Variants in SCNN1B observed in about 807,000 individuals in gnomAD.
SCNN1B encodes sodium channel epithelial 1 subunit beta.
SCNN1B carries 46 observed loss-of-function variants against 65.3 expected under a neutral mutation model. The ratio of observed to expected loss-of-function variants is 0.70; its 90% confidence interval spans 0.56 to 0.90. The LOEUF is 0.90. Among genes scored for constraint, SCNN1B ranks in the 40% least tolerant of loss-of-function variants. The pLI, the probability that SCNN1B is intolerant of heterozygous loss-of-function variation, is 0.00. For synonymous variants in SCNN1B, 349 were observed against 330.6 expected, an observed-to-expected ratio of 1.06 and a Z score of -0.60; for missense variants, 751 against 830.5, an observed-to-expected ratio of 0.90 and a Z score of 1.18.
intron 5 of SCNN1B, among the ~76,000 whole-genome samples, chr16:23,370,674 C>G (rs1962763624): frequency 6.6e-6 from 1 of 152,204 alleles, no homozygotes; most frequent in Admixed American, 6.5e-5. Context: ...GACACCTCGT[C>G]TGAGCCATCA....
chr16:23,379,962 G>A, intron 11 of SCNN1B, 132 bp from the exon 12 acceptor site: 1 of 768,132 alleles, frequency 1.3e-6, no homozygotes, highest in Non-Finnish European at 2.4e-6. Flanking sequence ...ACGGGTGTGT[G>A]GGTACATGTG....
intron 4 of SCNN1B, among the ~76,000 whole-genome samples, chr16:23,365,603 A>AGAG (rs1567313722): frequency 4.3e-5 from 4 of 93,688 alleles, no homozygotes; most frequent in Admixed American, 9.8e-5. Flanking sequence ...GAAAGAAAGA[A>AGAG]AGAAAGAAAG....
chr16:23,315,993 T>C lies in SCNN1B; in HGVS notation c.-9+13556T>C, dbSNP rs1277936432. Among the ~76,000 whole-genome samples the C allele has an allele frequency of 4.1e-5, 6 of 148,002 alleles. No homozygotes were observed. The South Asian group carries it at 1.3e-3, about 32-fold the overall frequency. On this transcript the variant is annotated intron_variant, in intron 1 of 12. Coordinates refer to ENST00000343070, the MANE Select transcript of SCNN1B (RefSeq NM_000336.3). ...ATCACCATCCTCACCATCATCGCCA[T>C]CATCATCATCACCACCATCATCCCC...
At chr16:23,319,977 G>T (rs1326315110) in intron 1 of SCNN1B, among the ~76,000 whole-genome samples, 2 of 152,002 alleles carry the variant, frequency 1.3e-5, no homozygotes, top group African/African-American at 2.4e-5. Context: ...AAATTCCTGG[G>T]CTCAAGTGAT....
chr16:23,368,265 G>A (rs376821270), intron 5 of SCNN1B, among the ~76,000 whole-genome samples: 2 of 152,198 alleles, frequency 1.3e-5, no homozygotes, highest in African/African-American at 2.4e-5. Flanking sequence ...TCAGCCAGGC[G>A]TGGTGGCTCA....
At chr16:23,292,196 A>ATT (rs59582200) in intron 2 of SCNN1B, among the ~76,000 whole-genome samples, 11 of 133,296 alleles carry the variant, frequency 8.3e-5, no homozygotes, top group African/African-American at 2.1e-4. Context: ...TTCTTTCTTT[A>ATT]TTTTTTTTTT....
chr16:23,328,243 G>A (rs116299023), intron 1 of SCNN1B, among the ~76,000 whole-genome samples: 412 of 152,304 alleles, frequency 2.7e-3, no homozygotes, highest in African/African-American at 9.7e-3. Context: ...TATTTATGTT[G>A]AGGGGTATTA....
chr16:23,289,564 A>G (rs1315748129), intron 2 of SCNN1B, among the ~76,000 whole-genome samples: 1 of 151,952 alleles, frequency 6.6e-6, no homozygotes, highest in Non-Finnish European at 1.5e-5. Flanking sequence ...GAAAAAAAAA[A>G]AGAAATCCCT....
At chr16:23,300,335 T>G (rs989713061), upstream of SCNN1B, among the ~76,000 whole-genome samples, 1 of 151,522 alleles carries the variant, frequency 6.6e-6, no homozygotes, top group African/African-American at 2.4e-5. Context: ...GAACTTAAAG[T>G]ATAATAATAA....
intron 5 of SCNN1B, among the ~76,000 whole-genome samples, chr16:23,370,930 G>C (rs1373379843): frequency 6.6e-6 from 1 of 152,248 alleles, no homozygotes; most frequent in Non-Finnish European, 1.5e-5. Context: ...AGGCATAGCA[G>C]GAGGAAGGCG....
intron 1 of SCNN1B, among the ~76,000 whole-genome samples, chr16:23,307,401 C>A (rs1189768726): frequency 1.3e-5 from 2 of 148,284 alleles, no homozygotes; most frequent in Admixed American, 6.8e-5. Flanking sequence ...CTCACTGCAA[C>A]CTCCACTTCC....
chr16:23,371,382 G>A lies in SCNN1B; in HGVS notation c.964G>A (p.Glu322Lys), dbSNP rs199921576. The A allele has an allele frequency of 4.3e-6, 7 of 1,614,118 alleles. No individual in the cohort carries two copies. In the South Asian group the frequency reaches 4.4e-5, roughly 10 times the overall value. The change falls in exon 6 of 13, where the codon GAG becomes AAG. Residue 322 changes from glutamate to lysine, a missense_variant. Glu to Lys is a moderately conservative substitution (Grantham distance 56, BLOSUM62 1). Transcript: ENST00000343070. ...GGCCGGGGTCAGGCTGATGCTTCAC[G>A]AGCAGAGGTCATACCCCTTCATCAG... is the stretch of plus-strand genomic sequence containing the variant. ...STAGVRLMLH[E>K]QRSYPFIRDE...
chr16:23,376,645 C>T (rs534837976), intron 8 of SCNN1B, among the ~76,000 whole-genome samples: 7 of 151,120 alleles, frequency 4.6e-5, no homozygotes, highest in South Asian at 4.2e-4. Context: ...TGCAGTGGCT[C>T]GTGCCTGTAA....
At chr16:23,321,961 G>A (rs1393541719) in intron 1 of SCNN1B, among the ~76,000 whole-genome samples, 3 of 152,110 alleles carry the variant, frequency 2.0e-5, no homozygotes, top group African/African-American at 4.8e-5. Context: ...GGAGGCAAAC[G>A]TTGCAGTGAG....
intron 1 of SCNN1B, among the ~76,000 whole-genome samples, chr16:23,330,285 T>C (rs1961785114): frequency 6.6e-6 from 1 of 152,090 alleles, no homozygotes; most frequent in African/African-American, 2.4e-5. Flanking sequence ...ACGTGAACAA[T>C]CCCCTTGGTC....
In SCNN1B at chr16:23,355,363, A is replaced by G. The variant is rs1236136652; in HGVS notation, c.650A>G (p.Glu217Gly). 6.2e-7 allele frequency: 1 copy of G among 1,614,160 alleles called. No homozygotes were observed. Among genetic ancestry groups the G allele is most frequent in the African/African-American group, 1.3e-5 (1 of 75,030 alleles). ...ACCAGTGCTACCCAGGCATTGACAG[A>G]GTGGTACATCCTGCAGGCCACCAAC... is the stretch of plus-strand genomic sequence containing the variant. ...NFTSATQALT[E>G]WYILQATNIF... The change falls in exon 4 of 13, where the codon GAG (glutamate) becomes GGG (glycine). Residue 217 changes from glutamate (E) to glycine (G), a missense_variant. Transcript: ENST00000343070.
chr16:23,375,710 C>G, intron 7 of SCNN1B, 28 bp from the exon 8 acceptor site: 1 of 1,495,810 alleles, frequency 6.7e-7, no homozygotes, highest in Non-Finnish European at 9.3e-7. Flanking sequence ...CCTGTGTTCT[C>G]TCCTTATGAA....
chr16:23,278,312 G>T (rs891347008), exon 1 of SCNN1B: 1 of 152,166 alleles, frequency 6.6e-6, no homozygotes, highest in East Asian at 1.9e-4. Flanking sequence ...TGCCAAGAAG[G>T]ACAACAACCT....
At chr16:23,319,309 G>A (rs532079873) in intron 1 of SCNN1B, among the ~76,000 whole-genome samples, 1 of 152,240 alleles carries the variant, frequency 6.6e-6, no homozygotes, top group Non-Finnish European at 1.5e-5. Context: ...GCCTCCCAAA[G>A]CGCTGGGAGT....
Sources: allele counts gnomAD v4.1 joint callset (sites outside exome capture counted in the v4.1 genomes callset), GRCh38; gene constraint gnomAD v4.1.1; transcripts MANE v1.5; gene names NCBI Gene and HGNC (gene_info 2026-07-23, HGNC 2026-07-21).